CASC3: variants seen among roughly 807,000 people sequenced by gnomAD.
The protein encoded by CASC3 is protein CASC3.
CASC3 carries 30 observed loss-of-function variants against 80.5 expected under a neutral mutation model. That is an observed-to-expected ratio of 0.37 (90% CI 0.28 to 0.51). The LOEUF is 0.51. Among genes scored for constraint, CASC3 ranks in the 20% least tolerant of loss-of-function variants. The pLI is 0.94. For synonymous variants in CASC3, 312 were observed against 333.6 expected, an observed-to-expected ratio of 0.94 and a Z score of 0.70; for missense variants, 824 against 922.2, an observed-to-expected ratio of 0.89 and a Z score of 1.38.
chr17:40,172,106 T>A lies in CASC3; in HGVS notation c.*1701T>A. On this transcript the variant is annotated 3_prime_UTR_variant, in exon 14 of 14. Coordinates refer to ENST00000264645, the MANE Select transcript of CASC3 (RefSeq NM_007359.5). The stretch of plus-strand genomic sequence containing the variant: ...TGTGGTGGTGTTTTTTGTTACTGTT[T>A]TAAAGGGTGCCCATTTGTGATCAGC... 1 of 1,289,980 alleles carries A rather than the reference T, an allele frequency of 7.8e-7. No individual in the cohort carries two copies. The highest frequency in any genetic ancestry group is 1.5e-5 in the African/African-American group (1 of 65,996). The allele number at this position is 1,289,980 out of a possible 1,614,324, so 79.9% of individuals were successfully genotyped here. A position where few individuals can be genotyped will look rare whatever the true frequency, so the allele number is the denominator to read the frequency against.
chr17:40,140,971 T>G, intron 1 of CASC3, 192 bp downstream of exon 1: 2 of 637,276 alleles, frequency 3.1e-6, no homozygotes, highest in Non-Finnish European at 5.4e-6. Flanking sequence ...GATTGGGGGT[T>G]TCTGGGAGGA....
At position 40,166,793 on chromosome 17, in the gene CASC3, ACAG is replaced by A; in HGVS notation, c.1472-3_1472-1del. On this transcript the variant is annotated splice_acceptor_variant and splice_polypyrimidine_tract_variant and intron_variant, in intron 7 of 13. Coordinates refer to ENST00000264645, the MANE Select transcript of CASC3 (RefSeq NM_007359.5). LOFTEE classifies it high-confidence loss of function. ...GCAGAAGTGACTTTTTTGGTGTATT[ACAG>A]GTATGCCCAACCATATACACATGGG... 1 of 1,591,282 alleles carries A rather than the reference ACAG, an allele frequency of 6.3e-7. No individual in the cohort carries two copies. The highest frequency in any genetic ancestry group is 8.5e-7 in the Non-Finnish European group (1 of 1,172,694).
In CASC3 at chr17:40,164,098, A is replaced by C. The variant is rs766323545; in HGVS notation, c.1403A>C (p.Gln468Pro). ...AGTGGACTTGAGCAAGATGTGGCACAACTAAATATAGCAGAACAGAATTGG... is the reference window on the plus strand; with the variant it reads ...AGTGGACTTGAGCAAGATGTGGCACCACTAAATATAGCAGAACAGAATTGG... Reference protein sequence around the residue: ...STSGLEQDVAQLNIAEQNWSP... With the variant: ...STSGLEQDVAPLNIAEQNWSP... The change falls in exon 7 of 14, where the codon CAA becomes CCA. Residue 468 changes from glutamine to proline, a missense_variant. Physicochemically the swap from Gln to Pro is moderately conservative, Grantham distance 76. Coordinates refer to ENST00000264645, the MANE Select transcript of CASC3 (RefSeq NM_007359.5). The C allele has an allele frequency of 1.1e-5, 18 of 1,613,688 alleles. No homozygotes were observed. Among genetic ancestry groups the C allele is most frequent in the Non-Finnish European group, 8.5e-7 (1 of 1,180,016 alleles).
intron 3 of CASC3, among the ~76,000 whole-genome samples, chr17:40,144,929 C>G (rs1988818106): frequency 6.7e-6 from 1 of 150,106 alleles, no homozygotes; most frequent in Admixed American, 6.7e-5. Flanking sequence ...GGCTCGATCT[C>G]AGCTCACTGC....
At chr17:40,168,502 T>C in intron 11 of CASC3, 85 bp downstream of exon 11, 1 of 1,157,526 alleles carries the variant, frequency 8.6e-7, no homozygotes, top group East Asian at 2.7e-5. Flanking sequence ...GCTAAAGGAA[T>C]TTGAGAGAAC....
Position 40,168,078 on chromosome 17 carries a change from A to G in CASC3, c.1751-125A>G. ...TGGCCATCCTGGCTGCTTGGGCAAC[A>G]AGTTCCTCTTGTGTCCATCCTGAGG... On this transcript the variant is annotated intron_variant, in intron 10 of 13. Transcript: ENST00000264645. 5.5e-6 allele frequency: 7 copies of G among 1,274,448 alleles called. 1 individual carries two copies. The South Asian group carries it at 6.4e-5, about 12-fold the overall frequency. 78.9% of individuals were successfully genotyped at this position (1,274,448 alleles called of 1,614,324 possible).
chr17:40,161,818 T>G lies in CASC3; in HGVS notation c.363T>G (p.Asp121Glu). 6.2e-7 allele frequency: 1 copy of G among 1,614,098 alleles called. No individual in the cohort carries two copies. Among genetic ancestry groups the G allele is most frequent in the East Asian group, 2.2e-5 (1 of 44,868 alleles). The change falls in exon 4 of 14, where the codon GAT becomes GAG. Residue 121 changes from aspartate (D) to glutamate (E), a missense_variant. By Grantham distance (45) the Asp-to-Glu change is conservative. Around this residue, in one of 3 missense-constraint regions of CASC3, gnomAD observed 201 missense variants for 294.1 expected, o/e 0.68. Transcript: ENST00000264645. ...TGGAGCTGAAATCAGAAGCTAATGATGCTGTTAATTCTTCAACAAAAGAAG... is the reference window on the plus strand; with the variant it reads ...TGGAGCTGAAATCAGAAGCTAATGAGGCTGTTAATTCTTCAACAAAAGAAG... ...SKVELKSEANDAVNSSTKEEK... is the reference protein window; with the variant it reads ...SKVELKSEANEAVNSSTKEEK...
At chr17:40,143,787 G>A (rs1237657544) in intron 3 of CASC3, among the ~76,000 whole-genome samples, 1 of 151,154 alleles carries the variant, frequency 6.6e-6, no homozygotes, top group East Asian at 2.0e-4. Context: ...CCGAAATCAA[G>A]CCACTGCACT....
At chr17:40,169,841 C>T (rs543278356) in intron 13 of CASC3, among the ~76,000 whole-genome samples, 179 bp downstream of exon 13, 14 of 133,626 alleles carry the variant, frequency 1.0e-4, no homozygotes, top group African/African-American at 3.9e-4. Context: ...CTGCAACCTC[C>T]ATCTCCTGAG....
chr17:40,140,726 C>A lies in CASC3; in HGVS notation c.178C>A (p.His60Asn), dbSNP rs747851575. The A allele has an allele frequency of 1.9e-6, 3 of 1,551,070 alleles. No individual in the cohort carries two copies. Among genetic ancestry groups the A allele is most frequent in the Non-Finnish European group, 2.6e-6 (3 of 1,150,050 alleles). ...SQRGGRTGALHLRRVESGGAK... is the reference protein window; with the variant it reads ...SQRGGRTGALNLRRVESGGAK... ...GCGCGGAGGCCGAACCGGGGCCCTT[C>A]ATCTGCGGCGGGTGGAGAGCGGGGG... Residue 60 changes from histidine (H) to asparagine (N), a missense_variant, in exon 1 of 14, where the codon CAT (histidine) becomes AAT (asparagine). This residue lies in a region of CASC3 where 159 missense variants were observed against 122.2 expected (regional missense o/e 1.30). Coordinates refer to ENST00000264645, the MANE Select transcript of CASC3 (RefSeq NM_007359.5).
chr17:40,169,739 ATGCTTTT>A, intron 13 of CASC3, 77 bp downstream of exon 13: 2 of 219,084 alleles, frequency 9.1e-6, no homozygotes, highest in South Asian at 6.9e-5. Flanking sequence ...CACTTAATTA[ATGCTTTT>A]TTTTTTTTTT....
chr17:40,155,337 A>G (rs1313058529), intron 3 of CASC3, among the ~76,000 whole-genome samples: 1 of 149,988 alleles, frequency 6.7e-6, no homozygotes, highest in Non-Finnish European at 1.5e-5. Context: ...GCTCACTGCA[A>G]CCTCTGTCTC....
chr17:40,141,175 A>G (rs1306436428), intron 1 of CASC3, 32 bp from the exon 2 acceptor site: 4 of 1,609,606 alleles, frequency 2.5e-6, no homozygotes, highest in Non-Finnish European at 3.4e-6. Flanking sequence ...TGGAAATCAC[A>G]GAACTAACCC....
At chr17:40,170,335 A>T in intron 13 of CASC3, 112 bp from the exon 14 acceptor site, 12 of 682,230 alleles carry the variant, frequency 1.8e-5, no homozygotes, top group Non-Finnish European at 2.2e-5. Flanking sequence ...TTGTTTAAGG[A>T]CATTACTTAA....
intron 7 of CASC3, among the ~76,000 whole-genome samples, chr17:40,164,843 C>T (rs1385128251): frequency 6.3e-5 from 9 of 143,410 alleles, no homozygotes; most frequent in African/African-American, 7.9e-5. Context: ...ACAACCTCTG[C>T]GTCCAGGGCT....
chr17:40,142,781 G>A (rs1988754202), intron 3 of CASC3, among the ~76,000 whole-genome samples: 1 of 151,986 alleles, frequency 6.6e-6, no homozygotes, highest in Non-Finnish European at 1.5e-5. Context: ...GGCGCCTGTA[G>A]TCCCAGCTAC....
At position 40,142,732 on chromosome 17, in the gene CASC3, C is replaced by CA. The variant is rs530289190; in HGVS notation, c.297+1134dup. On this transcript the variant is annotated intron_variant, in intron 3 of 13. Coordinates refer to ENST00000264645, the MANE Select transcript of CASC3 (RefSeq NM_007359.5). ...TGAAACCCCGTCCCTACTAAAAATA[C>CA]AAAAAAAAATAATAATAAATTAGCT... Among the ~76,000 whole-genome samples the CA allele has an allele frequency of 4.0e-3, 599 of 150,452 alleles. 4 individuals are homozygous for CA. The highest frequency in any genetic ancestry group is 0.013 in the African/African-American group (550 of 41,064).
chr17:40,143,837 A>T (rs1422942642), intron 3 of CASC3, among the ~76,000 whole-genome samples: 1 of 151,182 alleles, frequency 6.6e-6, no homozygotes, highest in Non-Finnish European at 1.5e-5. Flanking sequence ...TCAAAAAAAA[A>T]GTATATATAT....
chr17:40,154,526 G>A (rs907018200), intron 3 of CASC3, among the ~76,000 whole-genome samples: 5 of 151,592 alleles, frequency 3.3e-5, no homozygotes, highest in Non-Finnish European at 5.9e-5. Flanking sequence ...GAGCCACTGC[G>A]CTTGGCCATT....
Sources: gnomAD v4.1 joint callset for allele counts (sites outside exome capture counted in the v4.1 genomes callset) on GRCh38, gnomAD v4.1.1 for gene constraint, gnomAD v4.1.1 regional missense constraint, MANE v1.5 for transcripts, NCBI Gene and HGNC (gene_info 2026-07-23, HGNC 2026-07-21) for gene names.